Variants in APPL1 observed in about 807,000 individuals in gnomAD.
The protein encoded by APPL1 is adaptor protein, phosphotyrosine interacting with PH domain and leucine zipper 1.
APPL1 carries 42 observed loss-of-function variants against 106.8 expected under a neutral mutation model. The ratio of observed to expected loss-of-function variants is 0.39; its 90% CI spans 0.31 to 0.51. The LOEUF is 0.51. Ranked by LOEUF, APPL1 falls within the 20% of genes least tolerant of loss-of-function variation. APPL1 has a pLI of 0.75. For missense variants in APPL1, 769 were observed against 858.2 expected, an observed-to-expected ratio of 0.90 and a Z score of 1.30; for synonymous variants, 263 against 281.8, an observed-to-expected ratio of 0.93 and a Z score of 0.67.
intron 20 of APPL1, 181 bp from the exon 21 acceptor site, chr3:57,268,217 T>C (rs1163606297): frequency 8.3e-6 from 5 of 604,732 alleles, no homozygotes; most frequent in Non-Finnish European, 1.4e-5. Context: ...AGTGATACTA[T>C]TACCAACATA....
intron 4 of APPL1, 52 bp from the exon 5 acceptor site, chr3:57,240,413 G>C: frequency 7.4e-7 from 1 of 1,358,668 alleles, no homozygotes; most frequent in Non-Finnish European, 1.1e-6. Context: ...ACATAACACT[G>C]GTTAAATGTC....
At chr3:57,244,915 T>A (rs1051193894) in intron 7 of APPL1, among the ~76,000 whole-genome samples, 5 of 152,182 alleles carry the variant, frequency 3.3e-5, no homozygotes, top group African/African-American at 1.2e-4. Flanking sequence ...GATATTTTTT[T>A]AAGTAGAATT....
intron 7 of APPL1, among the ~76,000 whole-genome samples, chr3:57,245,695 A>C (rs1001532592): frequency 6.6e-6 from 1 of 151,940 alleles, no homozygotes; most frequent in Non-Finnish European, 1.5e-5. Flanking sequence ...GGTGTGTACC[A>C]CTGCACCTGG....
chr3:57,260,190 C>T (rs2060857906), intron 18 of APPL1, 37 bp downstream of exon 18: 3 of 1,581,170 alleles, frequency 1.9e-6, no homozygotes, highest in Non-Finnish European at 2.6e-6. Context: ...TTTTAGGTCC[C>T]TTTGTATATA....
At chr3:57,250,480 A>G (rs2060797547) in intron 11 of APPL1, among the ~76,000 whole-genome samples, 1 of 152,212 alleles carries the variant, frequency 6.6e-6, no homozygotes, top group Non-Finnish European at 1.5e-5. Flanking sequence ...TTAAAGTAGC[A>G]TTTAAAAGAA....
intron 13 of APPL1, among the ~76,000 whole-genome samples, chr3:57,254,234 TACTC>T (rs1265335066): frequency 6.6e-6 from 1 of 152,208 alleles, no homozygotes; most frequent in African/African-American, 2.4e-5. Context: ...TTTCAAAAGA[TACTC>T]AGTCAACCAA....
In APPL1 at chr3:57,270,572, A is replaced by G. The variant is rs1455744407; in HGVS notation, c.*885A>G. 1 of 152,674 alleles carries G rather than the reference A, an allele frequency of 6.5e-6. No homozygotes were observed. Among genetic ancestry groups the G allele is most frequent in the African/African-American group, 2.4e-5 (1 of 41,468 alleles). The allele number at this position is 152,674 out of a possible 1,614,324, so 9.5% of individuals were successfully genotyped here. A position where few individuals can be genotyped will look rare whatever the true frequency, so the allele number is the denominator to read the frequency against. The stretch of plus-strand genomic sequence containing the variant: ...TAGTTTTTATTGAAAGTCAAGTGAC[A>G]TTTCAAAAGAAGTTCTATAACAATT... On this transcript the variant is annotated 3_prime_UTR_variant, in exon 22 of 22. Coordinates refer to ENST00000288266, the MANE Select transcript of APPL1 (RefSeq NM_012096.3).
chr3:57,242,735 T>C, intron 6 of APPL1, 121 bp from the exon 7 acceptor site: 1 of 706,286 alleles, frequency 1.4e-6, no homozygotes, highest in East Asian at 2.8e-5. Flanking sequence ...GCAGTGGTCA[T>C]GTGGTAGGAA....
In APPL1 at chr3:57,256,939, T is replaced by G; in HGVS notation, c.1153-18T>G. ...TTACTTTACTAATATTAGTCCTTTT[T>G]TAAAAAAATTGAAATAGGAAACTGC... On this transcript the variant is annotated intron_variant, in intron 13 of 21. Coordinates refer to ENST00000288266, the MANE Select transcript of APPL1 (RefSeq NM_012096.3). 1 of 1,611,522 alleles carries G rather than the reference T, an allele frequency of 6.2e-7. No homozygotes were observed. Among genetic ancestry groups the G allele is most frequent in the Non-Finnish European group, 8.5e-7 (1 of 1,178,134 alleles).
At chr3:57,268,629 C>T in intron 21 of APPL1, 142 bp downstream of exon 21, 1 of 894,786 alleles carries the variant, frequency 1.1e-6, no homozygotes, top group Admixed American at 3.0e-5. Context: ...CATACCATAG[C>T]AGAAAAGGGT....
intron 4 of APPL1, among the ~76,000 whole-genome samples, chr3:57,238,565 A>G (rs2060729056): frequency 6.6e-6 from 1 of 152,172 alleles, no homozygotes. Context: ...AGGTAAGAGG[A>G]AAAAAAGGTA....
At chr3:57,241,538 ATG>A (rs2060746529) in intron 5 of APPL1, among the ~76,000 whole-genome samples, 1 of 152,184 alleles carries the variant, frequency 6.6e-6, no homozygotes, top group Non-Finnish European at 1.5e-5. Flanking sequence ...ATACAGACAA[ATG>A]TGTATTATAC....
chr3:57,231,314 G>A (rs1438790505), intron 1 of APPL1, among the ~76,000 whole-genome samples: 9 of 145,598 alleles, frequency 6.2e-5, no homozygotes, highest in Admixed American at 1.4e-4. Context: ...ACTCCAGCCC[G>A]GGCAACCGTG....
chr3:57,247,056 G>A (rs1346126829), intron 8 of APPL1, among the ~76,000 whole-genome samples: 1 of 151,174 alleles, frequency 6.6e-6, no homozygotes, highest in East Asian at 1.9e-4. Flanking sequence ...TCCTCAGATA[G>A]AAAACTTATC....
chr3:57,269,092 A>T (rs2060916404), intron 21 of APPL1: 1 of 157,726 alleles, frequency 6.3e-6, no homozygotes, highest in African/African-American at 2.4e-5. Flanking sequence ...AAGAAGAGGG[A>T]AGTGGCAAAG....
intron 2 of APPL1, among the ~76,000 whole-genome samples, chr3:57,236,029 A>C (rs1350857890): frequency 2.1e-5 from 3 of 142,852 alleles, no homozygotes; most frequent in Admixed American, 1.5e-4. Flanking sequence ...CTTATGGAGC[A>C]CTTCCCCACC....
In APPL1 at chr3:57,257,321, C is replaced by G. The variant is rs780470322; in HGVS notation, c.1323C>G (p.Leu441=). Residue 441 remains leucine, a synonymous_variant, in exon 15 of 22, where the codon CTC becomes CTG. Coordinates refer to ENST00000288266, the MANE Select transcript of APPL1 (RefSeq NM_012096.3). Reference sequence around the variant, plus strand: ...CTGAGTCTACAAATTTGGCTGCCCTCTCTCTAGATTCTCTTGTTGCCCCAG... The same window carrying G: ...CTGAGTCTACAAATTTGGCTGCCCTGTCTCTAGATTCTCTTGTTGCCCCAG... ...LGSESTNLAA[L]SLDSLVAPDT... 2 of 1,614,144 alleles carry G rather than the reference C, an allele frequency of 1.2e-6. No individual in the cohort carries two copies. The highest frequency in any genetic ancestry group is 1.1e-5 in the South Asian group (1 of 91,068).
intron 1 of APPL1, among the ~76,000 whole-genome samples, chr3:57,233,355 G>A (rs985135034): frequency 2.0e-5 from 3 of 152,102 alleles, no homozygotes; most frequent in Non-Finnish European, 4.4e-5. Flanking sequence ...CAGTGTTGAA[G>A]TTGATATTGT....
chr3:57,240,730 C>T (rs1246533221), intron 5 of APPL1, among the ~76,000 whole-genome samples, 178 bp downstream of exon 5: 2 of 152,112 alleles, frequency 1.3e-5, no homozygotes, highest in African/African-American at 2.4e-5. Flanking sequence ...TGAGAAATAC[C>T]GATATGGATA....
Sources: gnomAD v4.1 joint callset for allele counts (sites outside exome capture counted in the v4.1 genomes callset) on GRCh38, gnomAD v4.1.1 for gene constraint, MANE v1.5 for transcripts, NCBI Gene and HGNC (gene_info 2026-07-23, HGNC 2026-07-21) for gene names.